Variants in PLXDC2 observed in about 807,000 individuals in gnomAD.
PLXDC2 encodes plexin domain containing 2.
Under a neutral mutation model 68.9 loss-of-function variants are expected in PLXDC2, and 40 were observed. The ratio of observed to expected loss-of-function variants is 0.58; its 90% confidence interval spans 0.45 to 0.76. PLXDC2 has a LOEUF of 0.76. PLXDC2 is among the 30% of genes least tolerant of loss of function. The pLI is 0.00. For missense variants in PLXDC2, 644 were observed against 661.9 expected, an observed-to-expected ratio of 0.97 and a Z score of 0.30; for synonymous variants, 243 against 234.2, an observed-to-expected ratio of 1.04 and a Z score of -0.34.
At position 20,176,984 on chromosome 10, in the gene PLXDC2, T is replaced by TC. The variant is rs753425073; in HGVS notation, c.884-13dup. 1.3e-6 allele frequency: 2 copies of TC among 1,555,886 alleles called. No homozygotes were observed. Among genetic ancestry groups the TC allele is most frequent in the South Asian group, 1.2e-5 (1 of 86,800 alleles). ...GGAAAGGTTAAAAATTGATTTTTTT[T>TC]CCTTTTTTTTCTAGATGTTCGAAGA... On this transcript the variant is annotated splice_polypyrimidine_tract_variant and intron_variant, in intron 7 of 13. Transcript: ENST00000377252.
At chr10:19,964,756 A>C (rs1186569093) in intron 1 of PLXDC2, among the ~76,000 whole-genome samples, 1 of 150,542 alleles carries the variant, frequency 6.6e-6, no homozygotes, top group Non-Finnish European at 1.5e-5. Flanking sequence ...TTTTTTCTTC[A>C]CTATCTCCTA....
intron 9 of PLXDC2, among the ~76,000 whole-genome samples, chr10:20,194,774 T>C (rs528723179): frequency 4.4e-4 from 64 of 145,344 alleles, no homozygotes; most frequent in Non-Finnish European, 3.8e-4. Flanking sequence ...CTCCTAATGC[T>C]ATCCCTCCCC....
chr10:20,136,146 C>T (rs557919654), intron 4 of PLXDC2, among the ~76,000 whole-genome samples: 1 of 152,272 alleles, frequency 6.6e-6, no homozygotes, highest in South Asian at 2.1e-4. Context: ...CTTCTATTAA[C>T]CGTCTAGTTT....
chr10:20,231,100 G>GTA (rs1438622897), intron 12 of PLXDC2, among the ~76,000 whole-genome samples: 7 of 151,372 alleles, frequency 4.6e-5, no homozygotes, highest in Non-Finnish European at 1.0e-4. Context: ...ATTCCACAAT[G>GTA]TATATATATA....
At chr10:19,914,315 G>C (rs1448118268) in intron 1 of PLXDC2, among the ~76,000 whole-genome samples, 2 of 151,966 alleles carry the variant, frequency 1.3e-5, no homozygotes, top group Non-Finnish European at 2.9e-5. Context: ...AGAAGAGCTA[G>C]GTAAAGTATG....
chr10:20,217,501 A>C lies in PLXDC2; in HGVS notation c.1198A>C (p.Thr400Pro). 6.2e-7 allele frequency: 1 copy of C among 1,611,818 alleles called. No homozygotes were observed. The highest frequency in any genetic ancestry group is 2.2e-5 in the East Asian group (1 of 44,672). ...AACCACCACAACCGTAGGAGCGACA[A>C]CCACCCAGTTCAGGGTCCTAACTAC... ...SRTTTTVGAT[T>P]TQFRVLTTTR... Residue 400 changes from threonine (T) to proline (P), a missense_variant, in exon 11 of 14, where the codon ACC (threonine) becomes CCC (proline). Coordinates refer to ENST00000377252, the MANE Select transcript of PLXDC2 (RefSeq NM_032812.9).
chr10:19,886,518 C>G (rs1837849044), intron 1 of PLXDC2, among the ~76,000 whole-genome samples: 1 of 152,106 alleles, frequency 6.6e-6, no homozygotes, highest in Non-Finnish European at 1.5e-5. Context: ...GAACCAAAGA[C>G]AAAAACCACA....
At chr10:20,211,884 C>T (rs746030464) in intron 10 of PLXDC2, among the ~76,000 whole-genome samples, 155 bp downstream of exon 10, 4 of 151,984 alleles carry the variant, frequency 2.6e-5, no homozygotes, top group East Asian at 3.9e-4. Context: ...ATTAGGGGTT[C>T]GATAACAGCT....
At chr10:19,871,894 A>AC (rs1327420739) in intron 1 of PLXDC2, among the ~76,000 whole-genome samples, 2 of 152,060 alleles carry the variant, frequency 1.3e-5, no homozygotes, top group East Asian at 1.9e-4. Flanking sequence ...AAAAAAAAAA[A>AC]AAAAACACAA....
chr10:19,986,829 G>A (rs1311280660), intron 1 of PLXDC2, among the ~76,000 whole-genome samples: 1 of 152,168 alleles, frequency 6.6e-6, no homozygotes, highest in Non-Finnish European at 1.5e-5. Flanking sequence ...GTGTAGAATG[G>A]GAACATGTTA....
intron 5 of PLXDC2, among the ~76,000 whole-genome samples, chr10:20,146,479 T>TTC: frequency 8.0e-6 from 1 of 124,288 alleles, no homozygotes; most frequent in African/African-American, 3.0e-5. Flanking sequence ...TTCTTTCTTT[T>TTC]CTTTTCTTTT....
intron 1 of PLXDC2, among the ~76,000 whole-genome samples, chr10:19,862,994 C>A (rs1837344199): frequency 6.6e-6 from 1 of 152,146 alleles, no homozygotes; most frequent in African/African-American, 2.4e-5. Flanking sequence ...TTTATCAACC[C>A]TGTTCTGGTT....
intron 13 of PLXDC2, among the ~76,000 whole-genome samples, chr10:20,267,619 T>C (rs1835887311): frequency 6.6e-6 from 1 of 152,146 alleles, no homozygotes; most frequent in South Asian, 2.1e-4. Context: ...ATTTGAGGGA[T>C]TCCTTTATTT....
At chr10:20,175,118 A>C (rs911866890) in intron 7 of PLXDC2, among the ~76,000 whole-genome samples, 1 of 152,120 alleles carries the variant, frequency 6.6e-6, no homozygotes, top group African/African-American at 2.4e-5. Flanking sequence ...GCAGCAAAAA[A>C]CTTGTATGAT....
chr10:19,849,443 C>G (rs955527796), intron 1 of PLXDC2, among the ~76,000 whole-genome samples: 1 of 152,088 alleles, frequency 6.6e-6, no homozygotes, highest in Admixed American at 6.5e-5. Flanking sequence ...CATCTTGAAT[C>G]GTAGTTCCCA....
At chr10:20,178,424 G>T (rs543719834) in intron 9 of PLXDC2, among the ~76,000 whole-genome samples, 6 of 152,202 alleles carry the variant, frequency 3.9e-5, no homozygotes, top group African/African-American at 1.4e-4. Context: ...GAACACAGCA[G>T]TAAACAATAT....
chr10:19,833,016 G>T (rs1050271430), intron 1 of PLXDC2, among the ~76,000 whole-genome samples: 1 of 152,128 alleles, frequency 6.6e-6, no homozygotes, highest in Non-Finnish European at 1.5e-5. Context: ...CATAATAACT[G>T]TTGTCAAAAA....
At chr10:19,937,332 G>T (rs1281014190) in intron 1 of PLXDC2, among the ~76,000 whole-genome samples, 3 of 151,826 alleles carry the variant, frequency 2.0e-5, no homozygotes, top group African/African-American at 4.8e-5. Flanking sequence ...ATCGGAATAT[G>T]CCAGGGTTTT....
chr10:20,146,124 C>T (rs1298561791), intron 5 of PLXDC2, among the ~76,000 whole-genome samples: 1 of 152,090 alleles, frequency 6.6e-6, no homozygotes, highest in Non-Finnish European at 1.5e-5. Context: ...GTCTTCTGCC[C>T]TCTGGTTCAT....
Sources: gnomAD v4.1 joint callset for allele counts (sites outside exome capture counted in the v4.1 genomes callset) on GRCh38, gnomAD v4.1.1 for gene constraint, MANE v1.5 for transcripts, NCBI Gene and HGNC (gene_info 2026-07-23, HGNC 2026-07-21) for gene names.